Variants in CRPPA observed in about 807,000 individuals in gnomAD.
CRPPA encodes the protein CDP-L-ribitol pyrophosphorylase A, also known as D-ribitol-5-phosphate cytidylyltransferase.
Under a neutral mutation model 52.0 loss-of-function variants are expected in CRPPA, and 43 were observed. The ratio of observed to expected loss-of-function variants is 0.83; its 90% CI spans 0.65 to 1.07. The LOEUF is 1.07. Among genes scored for constraint, CRPPA ranks in the 50% least tolerant of loss-of-function variants. The pLI is 0.00. For missense variants in CRPPA, 629 were observed against 551.7 expected (o/e 1.14, Z -1.40); for synonymous variants, 250 against 203.5 (o/e 1.23, Z -1.94).
intron 3 of CRPPA, among the ~76,000 whole-genome samples, chr7:16,357,621 G>A (rs1203665699): frequency 6.6e-6 from 1 of 152,182 alleles, no homozygotes; most frequent in Non-Finnish European, 1.5e-5. Context: ...TGTCTGCCTT[G>A]TCACTACAGG....
At chr7:16,260,267 C>T (rs1783759918) in intron 6 of CRPPA, among the ~76,000 whole-genome samples, 1 of 151,966 alleles carries the variant, frequency 6.6e-6, no homozygotes, top group African/African-American at 2.4e-5. Context: ...GATATTTCTT[C>T]CTAGAACAGA....
At chr7:16,128,448 A>C (rs1415681262) in intron 9 of CRPPA, among the ~76,000 whole-genome samples, 2 of 152,120 alleles carry the variant, frequency 1.3e-5, no homozygotes, top group Non-Finnish European at 2.9e-5. Context: ...AGAGTTTTTA[A>C]ATGAAAAACC....
chr7:16,296,023 G>A lies in CRPPA; in HGVS notation c.835+5398C>T, dbSNP rs370928003. On this transcript the variant is annotated intron_variant, in intron 5 of 9. Transcript: ENST00000407010. Reference sequence around the variant, plus strand: ...CCCTCTGCCTAAGAAAAGGGATTATGACGAATACTTTTTTATACAGTTTTA... The same window carrying A: ...CCCTCTGCCTAAGAAAAGGGATTATAACGAATACTTTTTTATACAGTTTTA... Among the ~76,000 whole-genome samples the A allele has an allele frequency of 6.7e-4, 102 of 152,196 alleles. 2 individuals carry two copies. In the South Asian group the frequency reaches 0.02, roughly 30 times the overall value.
At position 16,088,773 on chromosome 7, in the gene CRPPA, C is replaced by T. The variant is rs572237406; in HGVS notation, c.*2922G>A. The T allele has an allele frequency of 1.2e-5, 2 of 160,644 alleles. No homozygotes were observed. The highest frequency in any genetic ancestry group is 3.4e-4 in the South Asian group (2 of 5,940). The allele number at this position is 160,644 out of a possible 1,614,324, so 10.0% of individuals were successfully genotyped here. ...TTTGGCCAATACTTCTATTCATTCC[C>T]TTAACTTTAGCTACAATTTCTTTAT... On this transcript the variant is annotated 3_prime_UTR_variant, in exon 10 of 10. Coordinates refer to ENST00000407010, the MANE Select transcript of CRPPA (RefSeq NM_001101426.4).
At chr7:16,286,476 A>G (rs73298615) in intron 5 of CRPPA, among the ~76,000 whole-genome samples, 16,984 of 152,038 alleles carry the variant, frequency 0.11, 996 homozygotes, top group Middle Eastern at 0.18. Flanking sequence ...TCTTCACCAG[A>G]TAACTAATAA....
At chr7:16,223,179 A>G (rs1782567282) in intron 8 of CRPPA, among the ~76,000 whole-genome samples, 1 of 152,114 alleles carries the variant, frequency 6.6e-6, no homozygotes, top group Non-Finnish European at 1.5e-5. Context: ...GTAACTCACT[A>G]CATACCCACA....
At chr7:16,379,956 C>A (rs1787030124) in intron 2 of CRPPA, among the ~76,000 whole-genome samples, 1 of 152,262 alleles carries the variant, frequency 6.6e-6, no homozygotes, top group South Asian at 2.1e-4. Context: ...TTGACTTCCT[C>A]TTTTCCCAAC....
intron 3 of CRPPA, among the ~76,000 whole-genome samples, chr7:16,328,325 C>T (rs1250792063): frequency 6.6e-6 from 1 of 152,172 alleles, no homozygotes; most frequent in Non-Finnish European, 1.5e-5. Flanking sequence ...AATAACTAAG[C>T]ACACAATCTA....
intron 9 of CRPPA, among the ~76,000 whole-genome samples, chr7:16,102,794 G>C (rs541835088): frequency 2.6e-5 from 4 of 152,186 alleles, no homozygotes; most frequent in African/African-American, 9.6e-5. Flanking sequence ...CCATTAAAAA[G>C]TCAGGAAACA....
chr7:16,282,820 C>T (rs1438109501), intron 5 of CRPPA, among the ~76,000 whole-genome samples: 1 of 152,006 alleles, frequency 6.6e-6, no homozygotes, highest in Non-Finnish European at 1.5e-5. Flanking sequence ...CAGCTATTTG[C>T]ATTCCACAGT....
chr7:16,420,661 CTT>C (rs1422339182), intron 1 of CRPPA, among the ~76,000 whole-genome samples: 3 of 152,230 alleles, frequency 2.0e-5, no homozygotes, highest in Admixed American at 6.5e-5. Flanking sequence ...GCCCTGGAAA[CTT>C]CAGTGTGCAC....
intron 5 of CRPPA, among the ~76,000 whole-genome samples, chr7:16,285,625 T>C (rs1366759164): frequency 1.3e-5 from 2 of 152,136 alleles, no homozygotes; most frequent in East Asian, 3.9e-4. Context: ...TAGACTTATA[T>C]TGAAAACCGT....
At chr7:16,249,902 G>A (rs542926241) in intron 8 of CRPPA, among the ~76,000 whole-genome samples, 1 of 152,266 alleles carries the variant, frequency 6.6e-6, no homozygotes, top group African/African-American at 2.4e-5. Flanking sequence ...ACAGAAGTAG[G>A]CTTCAGAAGG....
intron 9 of CRPPA, among the ~76,000 whole-genome samples, chr7:16,147,188 G>A (rs899843422): frequency 1.4e-4 from 21 of 152,122 alleles, no homozygotes; most frequent in African/African-American, 5.1e-4. Context: ...GCAGAGCTGT[G>A]AGTCCATTAA....
At chr7:16,225,065 T>C (rs1240097471) in intron 8 of CRPPA, among the ~76,000 whole-genome samples, 1 of 152,064 alleles carries the variant, frequency 6.6e-6, no homozygotes, top group Non-Finnish European at 1.5e-5. Flanking sequence ...TAACAAAAGG[T>C]AGTAAACAAA....
chr7:16,230,533 ACT>A (rs1461482212), intron 8 of CRPPA, among the ~76,000 whole-genome samples: 1 of 151,978 alleles, frequency 6.6e-6, no homozygotes, highest in Non-Finnish European at 1.5e-5. Context: ...CATTCTGGTC[ACT>A]GTTTTCTTCA....
At chr7:16,400,355 C>G (rs976023003) in intron 2 of CRPPA, among the ~76,000 whole-genome samples, 1 of 152,206 alleles carries the variant, frequency 6.6e-6, no homozygotes, top group Non-Finnish European at 1.5e-5. Flanking sequence ...ACATGATTGA[C>G]ACATGACCAA....
chr7:16,204,378 C>T (rs948303645), intron 9 of CRPPA, among the ~76,000 whole-genome samples: 1 of 152,042 alleles, frequency 6.6e-6, no homozygotes. Flanking sequence ...CTCAAACAGA[C>T]ACTCAAATAC....
chr7:16,196,043 T>G lies in CRPPA; in HGVS notation c.1251+20023A>C, dbSNP rs529465338. 2.6e-5 allele frequency among the ~76,000 whole-genome samples: 4 copies of G among 152,172 alleles called. No homozygotes were observed. The East Asian group carries it at 7.7e-4, about 29-fold the overall frequency. On this transcript the variant is annotated intron_variant, in intron 9 of 9. Transcript: ENST00000407010. ...GTGAAAGCTCACTAAATATTGACAGTGGAACATGGCCTTCATTTTATTTTG... is the reference window on the plus strand; with the variant it reads ...GTGAAAGCTCACTAAATATTGACAGGGGAACATGGCCTTCATTTTATTTTG...
Sources: gnomAD v4.1 joint callset for allele counts (sites outside exome capture counted in the v4.1 genomes callset) on GRCh38, gnomAD v4.1.1 for gene constraint, MANE v1.5 for transcripts, NCBI Gene and HGNC (gene_info 2026-07-23, HGNC 2026-07-21) for gene names.